CABIN1: variants seen among roughly 807,000 people sequenced by gnomAD.
CABIN1 encodes the protein calcineurin binding protein 1, also known as calcineurin-binding protein cabin-1.
CABIN1 carries 133 observed loss-of-function variants against 227.7 expected under a neutral mutation model. The observed-to-expected ratio is 0.58, with a 90% CI of 0.51 to 0.67. CABIN1 has a LOEUF of 0.67. Among genes scored for constraint, CABIN1 ranks in the 30% least tolerant of loss-of-function variants. CABIN1 has a pLI of 0.00. For missense variants in CABIN1, 2,408 were observed against 2,852.5 expected, an observed-to-expected ratio of 0.84 and a Z score of 3.55; for synonymous variants, 1,086 against 1,155.1, an observed-to-expected ratio of 0.94 and a Z score of 1.21.
At position 24,166,823 on chromosome 22, in the gene CABIN1, G is replaced by A. The variant is rs752333785; in HGVS notation, c.5192G>A (p.Arg1731Gln). The A allele has an allele frequency of 2.4e-5, 38 of 1,612,950 alleles. No homozygotes were observed. Among genetic ancestry groups the A allele is most frequent in the Admixed American group, 3.3e-5 (2 of 59,970 alleles). ...GGCAAAGTGGGCCTCCTCAACCACCGGCCTGTGGCCATGGATGCAGGAGAC... is the reference window on the plus strand; with the variant it reads ...GGCAAAGTGGGCCTCCTCAACCACCAGCCTGTGGCCATGGATGCAGGAGAC... ...PGGKVGLLNH[R>Q]PVAMDAGDSA... is the part of the protein sequence containing the mutation. The change falls in exon 32 of 37, where the codon CGG (arginine) becomes CAG (glutamine). Residue 1731 changes from arginine (R) to glutamine (Q), a missense_variant. Around this residue, in one of 3 missense-constraint regions of CABIN1, gnomAD observed 714 missense variants for 773.8 expected, o/e 0.92. Transcript: ENST00000263119.
intron 26 of CABIN1, among the ~76,000 whole-genome samples, chr22:24,098,556 G>C (rs1312170581): frequency 1.3e-5 from 2 of 152,254 alleles, no homozygotes; most frequent in African/African-American, 4.8e-5. Flanking sequence ...GGTGCAGTCA[G>C]CTTAGTGATG....
intron 28 of CABIN1, among the ~76,000 whole-genome samples, chr22:24,126,718 G>T (rs1447006454): frequency 6.6e-6 from 1 of 152,174 alleles, no homozygotes; most frequent in South Asian, 2.1e-4. Context: ...TGTCGCAAGG[G>T]CTGGGCATGG....
In CABIN1 at chr22:24,124,376, G is replaced by T. The variant is rs559110875; in HGVS notation, c.4632+4678G>T. 3.9e-5 allele frequency among the ~76,000 whole-genome samples: 6 copies of T among 152,340 alleles called. No homozygotes were observed. The East Asian group carries it at 1.2e-3, about 29-fold the overall frequency. On this transcript the variant is annotated intron_variant, in intron 28 of 36. Transcript: ENST00000263119. ...GCCCTCTGAGGGCTCCCTGCCTGGG[G>T]CATAGTGGCCAAGGGCTAGGTCTGT... is the stretch of plus-strand genomic sequence containing the variant.
intron 19 of CABIN1, 132 bp from the exon 20 acceptor site, chr22:24,083,096 C>T: frequency 1.2e-6 from 1 of 868,014 alleles, no homozygotes; most frequent in Non-Finnish European, 1.9e-6. Flanking sequence ...TCAAGTCATG[C>T]AGGAGCCCAA....
At chr22:24,036,549 G>C (rs2036905935) in intron 3 of CABIN1, among the ~76,000 whole-genome samples, 1 of 152,092 alleles carries the variant, frequency 6.6e-6, no homozygotes, top group African/African-American at 2.4e-5. Context: ...TGAGACTCTT[G>C]AGGGGAGCAG....
intron 14 of CABIN1, 84 bp from the exon 15 acceptor site, chr22:24,063,951 T>C: frequency 6.4e-7 from 1 of 1,552,310 alleles, no homozygotes. Flanking sequence ...CTCCACAGTC[T>C]AGTGAGATAA....
At chr22:24,073,182 C>T (rs781666376) in intron 18 of CABIN1, among the ~76,000 whole-genome samples, 1 of 152,044 alleles carries the variant, frequency 6.6e-6, no homozygotes, top group African/African-American at 2.4e-5. Context: ...ATTGAAGAAA[C>T]GACAGTACTG....
At chr22:24,050,674 C>A in intron 7 of CABIN1, 151 bp from the exon 8 acceptor site, 1 of 870,846 alleles carries the variant, frequency 1.1e-6, no homozygotes, top group Non-Finnish European at 1.8e-6. Flanking sequence ...ATTTACTGCC[C>A]TACCCAGGCC....
chr22:24,060,286 G>A, intron 12 of CABIN1, 145 bp downstream of exon 12: 1 of 779,102 alleles, frequency 1.3e-6, no homozygotes, highest in African/African-American at 1.7e-5. Flanking sequence ...TGTCGAAGCA[G>A]GAAGTCACTG....
At chr22:24,073,001 A>G (rs2040199930) in intron 18 of CABIN1, among the ~76,000 whole-genome samples, 1 of 152,176 alleles carries the variant, frequency 6.6e-6, no homozygotes, top group South Asian at 2.1e-4. Flanking sequence ...TCTACCTCAG[A>G]AGGTTATTCT....
At chr22:24,052,420 C>T (rs953505748) in intron 8 of CABIN1, among the ~76,000 whole-genome samples, 1 of 151,706 alleles carries the variant, frequency 6.6e-6, no homozygotes, top group Admixed American at 6.6e-5. Flanking sequence ...AACATACTAG[C>T]CTTTGTGGGC....
intron 1 of CABIN1, chr22:24,011,871 G>T (rs781551700): frequency 5.3e-5 from 8 of 152,242 alleles, no homozygotes; most frequent in Non-Finnish European, 8.8e-5. Flanking sequence ...CTCCCCGCAA[G>T]AGGCGGGCCC....
chr22:24,080,313 G>A (rs1345191533), intron 19 of CABIN1, among the ~76,000 whole-genome samples: 2 of 152,126 alleles, frequency 1.3e-5, no homozygotes, highest in Non-Finnish European at 2.9e-5. Context: ...ATACCTGGTA[G>A]GGTTAACCTA....
intron 22 of CABIN1, among the ~76,000 whole-genome samples, chr22:24,086,345 A>G (rs188932827): frequency 2.6e-5 from 4 of 152,340 alleles, no homozygotes. Context: ...ATTCAACAGA[A>G]TTAAGGCTCA....
At chr22:24,155,036 G>A (rs1368316680) in intron 29 of CABIN1, among the ~76,000 whole-genome samples, 1 of 152,094 alleles carries the variant, frequency 6.6e-6, no homozygotes, top group Non-Finnish European at 1.5e-5. Context: ...GGTTGGGGGT[G>A]GGTAAGCCAG....
intron 33 of CABIN1, 136 bp downstream of exon 33, chr22:24,168,657 G>A (rs773763688): frequency 1.4e-4 from 107 of 783,936 alleles, no homozygotes; most frequent in Non-Finnish European, 2.1e-4. Flanking sequence ...GAGATGAGCA[G>A]GGGGCAGCTG....
intron 29 of CABIN1, among the ~76,000 whole-genome samples, chr22:24,136,524 A>ATTTTTTTGTTTTTTT (rs2044416441): frequency 1.4e-5 from 1 of 69,894 alleles, no homozygotes; most frequent in African/African-American, 6.1e-5. Context: ...TAATTTTTGT[A>ATTTTTTTGTTTTTTT]TTTTTTTTTT....
Position 24,050,993 on chromosome 22 carries a change from C to T in CABIN1, c.806+19C>T. 1 of 1,613,968 alleles carries T rather than the reference C, an allele frequency of 6.2e-7. No individual in the cohort carries two copies. The highest frequency in any genetic ancestry group is 1.1e-5 in the South Asian group (1 of 91,066). Reference sequence around the variant, plus strand: ...TCTTCACGTAGGTTGTCTAGCGTCTCTGGGAGTGCTGGGTCGGCCAGTAGG... The same window carrying T: ...TCTTCACGTAGGTTGTCTAGCGTCTTTGGGAGTGCTGGGTCGGCCAGTAGG... On this transcript the variant is annotated intron_variant, in intron 8 of 36. Transcript: ENST00000263119.
intron 33 of CABIN1, among the ~76,000 whole-genome samples, chr22:24,170,814 C>T (rs1016211987): frequency 1.3e-5 from 2 of 150,430 alleles, no homozygotes; most frequent in African/African-American, 4.9e-5. Context: ...CTCCCACACT[C>T]GAGGGGGTGG....
Sources: gnomAD v4.1 joint callset for allele counts (sites outside exome capture counted in the v4.1 genomes callset) on GRCh38, gnomAD v4.1.1 for gene constraint, gnomAD v4.1.1 regional missense constraint, MANE v1.5 for transcripts, NCBI Gene and HGNC (gene_info 2026-07-23, HGNC 2026-07-21) for gene names.